PPIP5K2: variants seen among roughly 807,000 people sequenced by gnomAD.
PPIP5K2 encodes the protein diphosphoinositol pentakisphosphate kinase 2.
In PPIP5K2, 105 loss-of-function variants were observed where a neutral mutation model predicts 154.6. That is an observed-to-expected ratio of 0.68 (90% CI 0.58 to 0.80). The LOEUF is 0.80. Among genes scored for constraint, PPIP5K2 ranks in the 30% least tolerant of loss-of-function variants. The probability of loss-of-function intolerance (pLI) is 0.00; values close to 1 mark genes in which losing one functional copy is unlikely to be tolerated. For synonymous variants in PPIP5K2, 480 were observed against 490.3 expected (o/e 0.98, Z 0.28); for missense variants, 992 against 1,504.6 (o/e 0.66, Z 5.64).
At chr5:103,138,531 CT>C in intron 5 of PPIP5K2, 62 bp downstream of exon 5, 1 of 1,044,900 alleles carries the variant, frequency 9.6e-7, no homozygotes, top group Non-Finnish European at 1.5e-6. Context: ...GGGCCACATT[CT>C]TACAATAATT....
intron 5 of PPIP5K2, among the ~76,000 whole-genome samples, chr5:103,144,200 A>G (rs1383798376): frequency 6.6e-6 from 1 of 152,130 alleles, no homozygotes; most frequent in Non-Finnish European, 1.5e-5. Context: ...CAAATAAATT[A>G]AATACCTCGG....
intron 19 of PPIP5K2, 103 bp downstream of exon 19, chr5:103,168,398 C>A: frequency 1.2e-6 from 1 of 850,386 alleles, no homozygotes. Context: ...CCTTGGAAAA[C>A]CAGTAACTTT....
At chr5:103,134,321 A>T (rs977663713) in intron 3 of PPIP5K2, among the ~76,000 whole-genome samples, 1 of 152,164 alleles carries the variant, frequency 6.6e-6, no homozygotes, top group African/African-American at 2.4e-5. Flanking sequence ...TACATCTGAA[A>T]ATTGATAGCC....
chr5:103,124,278 C>CA (rs71226931), intron 1 of PPIP5K2, among the ~76,000 whole-genome samples: 15,668 of 126,760 alleles, frequency 0.12, 2,335 homozygotes, highest in African/African-American at 0.35. Context: ...GACTCCATCT[C>CA]AAAAAAAAAA....
At chr5:103,127,661 C>T (rs1554201189) in intron 1 of PPIP5K2, among the ~76,000 whole-genome samples, 2 of 152,168 alleles carry the variant, frequency 1.3e-5, no homozygotes, top group Non-Finnish European at 1.5e-5. Context: ...TGCTATCTCA[C>T]TTAGTCTTTA....
rs116151284 is a variant in PPIP5K2, at chr5:103,125,625, C to T, written c.-284-3681C>T. Reference sequence around the variant, plus strand: ...CTGTCTGTATAACTTGTCTGTATTTCATCTCCTTCTATTTTCTTGTTTGTT... The same window carrying T: ...CTGTCTGTATAACTTGTCTGTATTTTATCTCCTTCTATTTTCTTGTTTGTT... On this transcript the variant is annotated intron_variant, in intron 1 of 30. Transcript: ENST00000358359. Among the ~76,000 whole-genome samples the T allele has an allele frequency of 9.8e-3, 1,485 of 151,922 alleles. 9 individuals are homozygous for T. Among genetic ancestry groups the T allele is most frequent in the African/African-American group, 0.013 (527 of 41,444 alleles).
intron 5 of PPIP5K2, among the ~76,000 whole-genome samples, chr5:103,142,082 G>A (rs10066532): frequency 0.15 from 22,987 of 152,206 alleles, 2,183 homozygotes; most frequent in Middle Eastern, 0.22. Context: ...CGTGGAGCAG[G>A]GGGTGGTGCT....
chr5:103,163,979 C>A (rs1002714652), intron 17 of PPIP5K2, among the ~76,000 whole-genome samples: 2 of 151,918 alleles, frequency 1.3e-5, no homozygotes, highest in African/African-American at 4.8e-5. Flanking sequence ...TTAGGGAATG[C>A]TTCCTATTTG....
intron 5 of PPIP5K2, among the ~76,000 whole-genome samples, chr5:103,142,099 G>T (rs1332701436): frequency 6.6e-6 from 1 of 152,228 alleles, no homozygotes; most frequent in Non-Finnish European, 1.5e-5. Flanking sequence ...TGCTCGTTGG[G>T]GAGGCTCGGG....
At position 103,152,625 on chromosome 5, in the gene PPIP5K2, ATCTTT is replaced by A. The variant is rs782081481; in HGVS notation, c.1029-16_1029-12del. ...TTGTCTTAAAACGTACTAATTTTAAATCTTTTCTTTTTTGTCTTGAAGAAATATTG... is the reference window on the plus strand; with the variant it reads ...TTGTCTTAAAACGTACTAATTTTAAATCTTTTTTGTCTTGAAGAAATATTG... On this transcript the variant is annotated intron_variant, in intron 9 of 30. Transcript: ENST00000358359. 168 of 1,472,020 alleles carry A rather than the reference ATCTTT, an allele frequency of 1.1e-4. No homozygotes were observed. The highest frequency in any genetic ancestry group is 5.1e-4 in the Admixed American group (30 of 58,526). 91.2% of individuals were successfully genotyped at this position (1,472,020 alleles called of 1,614,324 possible). A position where few individuals can be genotyped will look rare whatever the true frequency, so the allele number is the denominator to read the frequency against.
At chr5:103,120,619 G>T in intron 1 of PPIP5K2, 131 bp downstream of exon 1, 1 of 400,208 alleles carries the variant, frequency 2.5e-6, no homozygotes. Flanking sequence ...CGAGGGGCTT[G>T]TGCTGGAGAG....
At chr5:103,142,054 G>T (rs1015213078) in intron 5 of PPIP5K2, among the ~76,000 whole-genome samples, 33 of 152,218 alleles carry the variant, frequency 2.2e-4, no homozygotes, top group African/African-American at 7.5e-4. Flanking sequence ...CCCTTGGGTG[G>T]TCGATGGGAC....
chr5:103,126,741 T>C (rs945914441), intron 1 of PPIP5K2, among the ~76,000 whole-genome samples: 1 of 143,542 alleles, frequency 7.0e-6, no homozygotes, highest in Admixed American at 7.1e-5. Flanking sequence ...TCTAGCCTTT[T>C]CACGTTTTTT....
chr5:103,168,112 A>G lies in PPIP5K2; in HGVS notation c.2103A>G (p.Leu701=), dbSNP rs782597597. The G allele has an allele frequency of 1.9e-6, 3 of 1,610,140 alleles. No individual in the cohort carries two copies. The highest frequency in any genetic ancestry group is 2.5e-6 in the Non-Finnish European group (3 of 1,177,330). The change falls in exon 19 of 31, where the codon CTA becomes CTG. Residue 701 remains leucine (L), a synonymous_variant. Coordinates refer to ENST00000358359, the MANE Select transcript of PPIP5K2 (RefSeq NM_001276277.3). The part of the protein sequence containing the change: ...LYHSETLELM[L]RRWSKLEKDF... Reference sequence around the variant, plus strand: ...ATAGTGAAACATTGGAGCTTATGCTACGTAGATGGTCCAAGTTAGAGAAAG... The same window carrying G: ...ATAGTGAAACATTGGAGCTTATGCTGCGTAGATGGTCCAAGTTAGAGAAAG...
intron 17 of PPIP5K2, 55 bp downstream of exon 17, chr5:103,159,383 A>G (rs916532929): frequency 9.3e-5 from 129 of 1,388,936 alleles, no homozygotes; most frequent in Non-Finnish European, 1.2e-4. Context: ...CAGAAAAGTG[A>G]TAAGTGCATA....
In PPIP5K2 at chr5:103,177,915, G is replaced by T; in HGVS notation, c.2689G>T (p.Ala897Ser). 6.2e-7 allele frequency: 1 copy of T among 1,613,336 alleles called. No homozygotes were observed. Among genetic ancestry groups the T allele is most frequent in the Non-Finnish European group, 8.5e-7 (1 of 1,179,416 alleles). Residue 897 changes from alanine to serine, a missense_variant, in exon 23 of 31, where the codon GCC becomes TCC. This residue lies in a region of PPIP5K2 where 157 missense variants were observed against 281.2 expected (regional missense o/e 0.56). Transcript: ENST00000358359. ...FHVELHFSPG[A>S]KGCEEDKNLP... ...TGTTGAATTACACTTTAGTCCGGGA[G>T]CCAAAGGTTGTGAAGAAGACAAAAA...
At chr5:103,125,985 T>A (rs1789606254) in intron 1 of PPIP5K2, among the ~76,000 whole-genome samples, 1 of 152,138 alleles carries the variant, frequency 6.6e-6, no homozygotes, top group African/African-American at 2.4e-5. Flanking sequence ...CTGACATGAT[T>A]TTTTACCATT....
intron 19 of PPIP5K2, among the ~76,000 whole-genome samples, chr5:103,169,520 T>C (rs1304260066): frequency 6.6e-6 from 1 of 151,808 alleles, no homozygotes; most frequent in Non-Finnish European, 1.5e-5. Context: ...ATTGTACAAC[T>C]TACCTATAGG....
intron 5 of PPIP5K2, among the ~76,000 whole-genome samples, chr5:103,142,412 G>T (rs1049831758): frequency 2.0e-5 from 3 of 152,092 alleles, no homozygotes; most frequent in Non-Finnish European, 4.4e-5. Context: ...TCCCGCTCGC[G>T]CCTCTCCCTC....
Sources: allele counts gnomAD v4.1 joint callset (sites outside exome capture counted in the v4.1 genomes callset), GRCh38; gene constraint gnomAD v4.1.1; regional missense constraint gnomAD v4.1.1; transcripts MANE v1.5; gene names NCBI Gene and HGNC (gene_info 2026-07-23, HGNC 2026-07-21).